The following PYGL variants were observed in gnomAD, a reference collection of about 807,000 sequenced individuals.
PYGL encodes the protein glycogen phosphorylase L.
In PYGL, 90 loss-of-function variants were observed where a neutral mutation model predicts 100.1. The observed-to-expected ratio is 0.90, with a 90% CI of 0.76 to 1.07. PYGL has a LOEUF of 1.07. Among genes scored for constraint, PYGL ranks in the 50% least tolerant of loss-of-function variants. The pLI, the probability that PYGL is intolerant of heterozygous loss-of-function variation, is 0.00. For missense variants in PYGL, 1,016 were observed against 1,057.6 expected (o/e 0.96, Z 0.55); for synonymous variants, 373 against 393.0 (o/e 0.95, Z 0.60).
chr14:50,919,274 C>T (rs1269741298), intron 7 of PYGL, among the ~76,000 whole-genome samples: 1 of 152,140 alleles, frequency 6.6e-6, no homozygotes, highest in Non-Finnish European at 1.5e-5. Flanking sequence ...TTACTTTGAC[C>T]CTGACATAGA....
chr14:50,927,450 C>T (rs989460585), intron 4 of PYGL, among the ~76,000 whole-genome samples: 4 of 152,184 alleles, frequency 2.6e-5, no homozygotes, highest in Non-Finnish European at 5.9e-5. Context: ...ATCTTGAACT[C>T]CTGACCTCAA....
chr14:50,926,630 GC>G lies in PYGL; in HGVS notation c.529-2531del, dbSNP rs532499964. Among the ~76,000 whole-genome samples the G allele has an allele frequency of 1.3e-4, 19 of 141,754 alleles. No individual in the cohort carries two copies. In the South Asian group the frequency reaches 3.8e-3, roughly 29 times the overall value. 93.0% of individuals were successfully genotyped at this position (141,754 alleles called of 152,430 possible). A position where few individuals can be genotyped will look rare whatever the true frequency, so the allele number is the denominator to read the frequency against. On this transcript the variant is annotated intron_variant, in intron 4 of 19. Coordinates refer to ENST00000216392, the MANE Select transcript of PYGL (RefSeq NM_002863.5). ...AATCCCAGCTACTCAGGAGGCTGAG[GC>G]AAAAGAATCACTTGAACCTGGGAGG...
rs1030769825 is a variant in PYGL, at chr14:50,942,139, C to T, written c.243+2022G>A. ...CTACTTTATGAGGGCAGGAACCATC[C>T]TGTTTAGACAGACGACTGTGATGGA... On this transcript the variant is annotated intron_variant, in intron 1 of 19. Transcript: ENST00000216392. Among the ~76,000 whole-genome samples the T allele has an allele frequency of 3.3e-5, 5 of 152,184 alleles. No homozygotes were observed. The South Asian group carries it at 1.0e-3, about 32-fold the overall frequency.
intron 1 of PYGL, among the ~76,000 whole-genome samples, chr14:50,939,261 T>TTA (rs1402491228): frequency 6.6e-6 from 1 of 152,206 alleles, no homozygotes; most frequent in Non-Finnish European, 1.5e-5. Flanking sequence ...GGTCTTGAAC[T>TTA]CCTAACCTCA....
chr14:50,915,711 A>G, intron 10 of PYGL, 114 bp downstream of exon 10: 1 of 1,473,300 alleles, frequency 6.8e-7, no homozygotes, highest in Non-Finnish European at 9.3e-7. Context: ...GGACTTGAGT[A>G]CTTTTGCTGT....
intron 19 of PYGL, among the ~76,000 whole-genome samples, chr14:50,905,930 A>G (rs2050331621): frequency 6.6e-6 from 1 of 152,220 alleles, no homozygotes; most frequent in Non-Finnish European, 1.5e-5. Context: ...TGTCTGCTAA[A>G]TGCCATGTCA....
chr14:50,910,348 C>T (rs575042501), intron 16 of PYGL, among the ~76,000 whole-genome samples: 10 of 152,110 alleles, frequency 6.6e-5, no homozygotes, highest in Non-Finnish European at 1.2e-4. Context: ...CTATTGACTG[C>T]GACAAACATT....
Position 50,908,956 on chromosome 14 carries a change from C to T in PYGL, c.2178-1G>A. ...CTCATAGTATTCTTTTGCCTCGTAC[C>T]TGTGGGGTAGGGGTGGGTGGGTGAT... On this transcript the variant is annotated splice_acceptor_variant, in intron 17 of 19. Transcript: ENST00000216392. LOFTEE classifies it high-confidence loss of function. 2.5e-6 allele frequency: 3 copies of T among 1,180,000 alleles called. No individual in the cohort carries two copies. Among genetic ancestry groups the T allele is most frequent in the Non-Finnish European group, 3.6e-6 (3 of 826,444 alleles). 73.1% of individuals were successfully genotyped at this position (1,180,000 alleles called of 1,614,324 possible).
At chr14:50,941,306 A>G (rs1239802493) in intron 1 of PYGL, among the ~76,000 whole-genome samples, 2 of 151,782 alleles carry the variant, frequency 1.3e-5, no homozygotes, top group African/African-American at 4.8e-5. Flanking sequence ...GGCGCTAAAA[A>G]TTAAATTCCT....
At chr14:50,911,371 T>C (rs72685342) in intron 16 of PYGL, among the ~76,000 whole-genome samples, 13,112 of 152,276 alleles carry the variant, frequency 0.086, 639 homozygotes, top group South Asian at 0.2. Flanking sequence ...ATCTGAAGAC[T>C]GGGGATTTGG....
intron 12 of PYGL, 76 bp from the exon 13 acceptor site, chr14:50,913,206 TTCTC>T: frequency 4.9e-6 from 6 of 1,216,686 alleles, no homozygotes; most frequent in Non-Finnish European, 7.2e-6. Context: ...CTGTCAGTAT[TTCTC>T]TCTGTCACCT....
intron 6 of PYGL, 141 bp from the exon 7 acceptor site, chr14:50,920,764 A>T (rs2050492967): frequency 1.9e-6 from 2 of 1,065,566 alleles, no homozygotes; most frequent in South Asian, 2.7e-5. Flanking sequence ...ACACACCGTC[A>T]TGCTGGACTT....
In PYGL at chr14:50,921,054, A is replaced by G. The variant is rs774586522; in HGVS notation, c.674T>C (p.Leu225Pro). 6.2e-7 allele frequency: 1 copy of G among 1,613,642 alleles called. No individual in the cohort carries two copies. Among genetic ancestry groups the G allele is most frequent in the Admixed American group, 1.7e-5 (1 of 60,016 alleles). The change falls in exon 6 of 20, where the codon CTG (leucine) becomes CCG (proline). Residue 225 changes from leucine (L) to proline (P), a missense_variant. Coordinates refer to ENST00000216392, the MANE Select transcript of PYGL (RefSeq NM_002863.5). Reference sequence around the variant, plus strand: ...GCCGGGCACGGGGGTGTCATATGGCAGAGCCAGGACCACCTGTGGGATTAA... The same window carrying G: ...GCCGGGCACGGGGGTGTCATATGGCGGAGCCAGGACCACCTGTGGGATTAA... ...KWIDTQVVLA[L>P]PYDTPVPGYM... is the part of the protein sequence containing the mutation.
At chr14:50,939,208 T>A (rs2050683365) in intron 1 of PYGL, among the ~76,000 whole-genome samples, 1 of 152,186 alleles carries the variant, frequency 6.6e-6, no homozygotes, top group Non-Finnish European at 1.5e-5. Context: ...AGCTAATTTT[T>A]GTATTTTTAG....
At chr14:50,934,970 A>G in intron 3 of PYGL, 137 bp downstream of exon 3, 1 of 796,516 alleles carries the variant, frequency 1.3e-6, no homozygotes, top group South Asian at 1.4e-5. Flanking sequence ...AAACTCAAGA[A>G]CAAATACATC....
In PYGL at chr14:50,916,969, G is replaced by T; in HGVS notation, c.992C>A (p.Pro331Gln). ...RGAGTVFDAFPDQVAIQLNDT... is the reference protein window; with the variant it reads ...RGAGTVFDAFQDQVAIQLNDT... ...CACAGACTAAATACTTGCCTGATCC[G>T]GGAAGGCATCAAACACAGTTCCTGC... The change falls in exon 8 of 20, where the codon CCG becomes CAG. Residue 331 changes from proline (P) to glutamine (Q), a missense_variant. Physicochemically the swap from Pro to Gln is moderately conservative, Grantham distance 76. Coordinates refer to ENST00000216392, the MANE Select transcript of PYGL (RefSeq NM_002863.5). The T allele has an allele frequency of 6.2e-7, 1 of 1,614,108 alleles. No individual in the cohort carries two copies. Among genetic ancestry groups the T allele is most frequent in the Admixed American group, 1.7e-5 (1 of 60,018 alleles).
intron 4 of PYGL, among the ~76,000 whole-genome samples, chr14:50,928,889 G>C (rs8009028): frequency 0.022 from 3,301 of 152,186 alleles, 28 homozygotes; most frequent in African/African-American, 0.035. Context: ...TTTATGGTAT[G>C]ATATATTTTA....
chr14:50,931,436 G>A (rs760671380), intron 4 of PYGL, among the ~76,000 whole-genome samples: 10 of 152,136 alleles, frequency 6.6e-5, no homozygotes, highest in Non-Finnish European at 1.3e-4. Flanking sequence ...CACCCTGTGC[G>A]TCAGCCACTG....
chr14:50,932,088 G>A (rs2050606305), intron 3 of PYGL, among the ~76,000 whole-genome samples: 3 of 152,152 alleles, frequency 2.0e-5, no homozygotes, highest in Admixed American at 2.0e-4. Context: ...AAGCCAACCT[G>A]CACCAGATAA....
Sources: allele counts gnomAD v4.1 joint callset (sites outside exome capture counted in the v4.1 genomes callset), GRCh38; gene constraint gnomAD v4.1.1; transcripts MANE v1.5; gene names NCBI Gene and HGNC (gene_info 2026-07-23, HGNC 2026-07-21).